LIMCH1: variants seen among roughly 807,000 people sequenced by gnomAD.
LIMCH1 encodes LIM and calponin homology domains-containing protein 1.
A neutral mutation model predicts 176.5 loss-of-function variants in LIMCH1; 113 were observed. The ratio of observed to expected loss-of-function variants is 0.64; its 90% CI spans 0.55 to 0.75. The LOEUF is 0.75. Among genes scored for constraint, LIMCH1 ranks in the 30% least tolerant of loss-of-function variants. LIMCH1 has a pLI of 0.00. For synonymous variants in LIMCH1, 619 were observed against 645.9 expected (o/e 0.96, Z 0.63); for missense variants, 1,674 against 1,814.9 (o/e 0.92, Z 1.41).
chr4:41,676,187 C>T (rs1199712137), intron 22 of LIMCH1, among the ~76,000 whole-genome samples, 195 bp from the exon 23 acceptor site: 1 of 152,212 alleles, frequency 6.6e-6, no homozygotes, highest in Admixed American at 6.5e-5. Flanking sequence ...ATACCAGCGT[C>T]TTGGAAGTAA....
rs372399008 is a variant in LIMCH1, at chr4:41,697,147, G to A, written c.4379-13G>A. The A allele has an allele frequency of 2.5e-6, 4 of 1,613,208 alleles. No individual in the cohort carries two copies. In the African/African-American group the frequency reaches 4.0e-5, roughly 16 times the overall value. On this transcript the variant is annotated splice_polypyrimidine_tract_variant and intron_variant, in intron 31 of 31. Transcript: ENST00000503057. ...CTACCACTCTTGTTTGTTGTTGTTT[G>A]TTTTAATCACAGGTGCCGGGCAGCC...
intron 3 of LIMCH1, among the ~76,000 whole-genome samples, chr4:41,525,651 C>A (rs1463338148): frequency 6.6e-6 from 1 of 151,480 alleles, no homozygotes; most frequent in African/African-American, 2.4e-5. Flanking sequence ...AATCATGTAA[C>A]CAAATAAGTT....
chr4:41,543,883 C>T (rs1181401687), intron 1 of LIMCH1, among the ~76,000 whole-genome samples: 1 of 152,070 alleles, frequency 6.6e-6, no homozygotes, highest in African/African-American at 2.4e-5. Flanking sequence ...GCTCCACAGA[C>T]CCTAGTTGTT....
At chr4:41,529,118 T>A (rs1414358030) in intron 3 of LIMCH1, among the ~76,000 whole-genome samples, 2 of 147,908 alleles carry the variant, frequency 1.4e-5, no homozygotes, top group East Asian at 3.9e-4. Context: ...GGTTTTTTTT[T>A]AAAATGCTGC....
chr4:41,366,201 AG>A (rs2052951932), intron 1 of LIMCH1, among the ~76,000 whole-genome samples: 1 of 152,214 alleles, frequency 6.6e-6, no homozygotes, highest in South Asian at 2.1e-4. Context: ...TGATGATAAA[AG>A]GTACTATTTA....
intron 1 of LIMCH1, among the ~76,000 whole-genome samples, chr4:41,490,432 G>A (rs752116603): frequency 2.6e-5 from 4 of 152,044 alleles, no homozygotes; most frequent in Non-Finnish European, 4.4e-5. Context: ...TGCAGCCTTC[G>A]GCCCTGTTTG....
chr4:41,537,613 G>A (rs1209164111), upstream of LIMCH1, among the ~76,000 whole-genome samples: 4 of 152,100 alleles, frequency 2.6e-5, no homozygotes, highest in African/African-American at 9.7e-5. Context: ...GATTCATGGA[G>A]TGAGTTTGCC....
At chr4:41,589,096 G>A (rs959088211) in intron 1 of LIMCH1, among the ~76,000 whole-genome samples, 24 of 152,100 alleles carry the variant, frequency 1.6e-4, no homozygotes, top group Admixed American at 1.2e-3. Flanking sequence ...GGATCATGAA[G>A]GAAATAAGGC....
chr4:41,370,572 A>C (rs964833803), intron 1 of LIMCH1, among the ~76,000 whole-genome samples: 3 of 152,142 alleles, frequency 2.0e-5, no homozygotes, highest in Non-Finnish European at 4.4e-5. Context: ...CCAACAGATG[A>C]GGTTGCCACC....
intron 3 of LIMCH1, among the ~76,000 whole-genome samples, chr4:41,529,503 A>G (rs1387861796): frequency 6.6e-6 from 1 of 152,196 alleles, no homozygotes; most frequent in Non-Finnish European, 1.5e-5. Flanking sequence ...TACGTCTTAG[A>G]TGTATCTTAG....
intron 1 of LIMCH1, among the ~76,000 whole-genome samples, chr4:41,567,890 C>T (rs914629352): frequency 3.9e-5 from 6 of 152,214 alleles, no homozygotes; most frequent in Admixed American, 6.5e-5. Context: ...CGTGGTGGCT[C>T]ATGCCTGTAA....
At chr4:41,366,088 C>T (rs1165562673) in intron 1 of LIMCH1, among the ~76,000 whole-genome samples, 2 of 152,148 alleles carry the variant, frequency 1.3e-5, no homozygotes, top group Non-Finnish European at 2.9e-5. Context: ...TAGAAATTGG[C>T]CTGGCAGCTT....
chr4:41,680,224 C>T, intron 24 of LIMCH1, 126 bp downstream of exon 24: 2 of 660,768 alleles, frequency 3.0e-6, no homozygotes, highest in Middle Eastern at 3.7e-4. Flanking sequence ...CAGCAGAATC[C>T]CATCAAGCTC....
chr4:41,532,011 C>A (rs2077379238), intron 3 of LIMCH1, among the ~76,000 whole-genome samples: 2 of 152,210 alleles, frequency 1.3e-5, no homozygotes, highest in Admixed American at 6.5e-5. Flanking sequence ...ATCCTCATCC[C>A]TGGCACAGTA....
At position 41,626,706 on chromosome 4, in the gene LIMCH1, A is replaced by T. The variant is rs982695887; in HGVS notation, c.726-2A>T. On this transcript the variant is annotated splice_acceptor_variant, in intron 7 of 31. Coordinates refer to ENST00000503057, the MANE Select transcript of LIMCH1 (RefSeq NM_001330672.2). LOFTEE classifies it high-confidence loss of function. ...GAGTCCCATTTAATTTTCCCCTATC[A>T]GTCAAAAACAATTAAGTGAAGAGAA... 6.5e-7 allele frequency: 1 copy of T among 1,533,440 alleles called. No individual in the cohort carries two copies. Among genetic ancestry groups the T allele is most frequent in the African/African-American group, 1.4e-5 (1 of 72,934 alleles). 95.0% of individuals were successfully genotyped at this position (1,533,440 alleles called of 1,614,324 possible).
At chr4:41,599,237 A>G in intron 2 of LIMCH1, 1 of 401,908 alleles carries the variant, frequency 2.5e-6, no homozygotes, top group East Asian at 4.1e-5. Flanking sequence ...TTTGAATGCA[A>G]AATTCTTGCA....
At chr4:41,695,484 G>A (rs1325231245) in intron 31 of LIMCH1, among the ~76,000 whole-genome samples, 3 of 151,790 alleles carry the variant, frequency 2.0e-5, no homozygotes, top group Non-Finnish European at 4.4e-5. Flanking sequence ...AATTTGAAAT[G>A]CCAGCTTTCT....
intron 25 of LIMCH1, among the ~76,000 whole-genome samples, chr4:41,681,855 G>T (rs777905894): frequency 6.6e-6 from 1 of 152,056 alleles, no homozygotes; most frequent in Non-Finnish European, 1.5e-5. Flanking sequence ...ATGAACTTAC[G>T]TAGAACAGCA....
At chr4:41,388,296 C>T (rs919835553) in intron 1 of LIMCH1, among the ~76,000 whole-genome samples, 1 of 152,216 alleles carries the variant, frequency 6.6e-6, no homozygotes, top group African/African-American at 2.4e-5. Context: ...TATATCCATA[C>T]AATGGAATAC....
Sources: gnomAD v4.1 joint callset for allele counts (sites outside exome capture counted in the v4.1 genomes callset) on GRCh38, gnomAD v4.1.1 for gene constraint, MANE v1.5 for transcripts, NCBI Gene and HGNC (gene_info 2026-07-23, HGNC 2026-07-21) for gene names.